SEC62: variants seen among roughly 807,000 people sequenced by gnomAD.
SEC62 encodes the protein SEC62 preprotein translocation factor.
In SEC62, 10 loss-of-function variants were observed where a neutral mutation model predicts 47.5. The ratio of observed to expected loss-of-function variants is 0.21; its 90% CI spans 0.13 to 0.36. The LOEUF (loss-of-function observed/expected upper bound fraction) is 0.36. Ranked by LOEUF, SEC62 falls within the 10% of genes least tolerant of loss-of-function variation. The pLI, the probability that SEC62 is intolerant of heterozygous loss-of-function variation, is 1.00. For synonymous variants in SEC62, 136 were observed against 150.5 expected, an observed-to-expected ratio of 0.90 and a Z score of 0.71; for missense variants, 327 against 464.1, an observed-to-expected ratio of 0.70 and a Z score of 2.71.
intron 1 of SEC62, chr3:169,969,259 G>A: frequency 4.4e-6 from 2 of 453,590 alleles, no homozygotes; most frequent in South Asian, 3.1e-5. Flanking sequence ...AAAAAAAGTA[G>A]CTAATTTGCT....
intron 1 of SEC62, chr3:169,968,653 T>C (rs1300194381): frequency 6.6e-6 from 1 of 152,230 alleles, no homozygotes; most frequent in Non-Finnish European, 1.5e-5. Flanking sequence ...CTCCCTTCTA[T>C]TCTACTCCTT....
intron 4 of SEC62, 34 bp from the exon 5 acceptor site, chr3:169,983,127 T>C: frequency 6.5e-7 from 1 of 1,536,018 alleles, no homozygotes; most frequent in Admixed American, 1.8e-5. Context: ...TGCTTACTTG[T>C]GTTATTTCTT....
chr3:169,972,620 C>T (rs1216407046), intron 1 of SEC62, among the ~76,000 whole-genome samples: 1 of 143,804 alleles, frequency 7.0e-6, no homozygotes, highest in African/African-American at 2.6e-5. Flanking sequence ...AGGAGTTTCA[C>T]CATGTTGCCC....
chr3:169,982,484 T>A (rs1714997815), intron 3 of SEC62, among the ~76,000 whole-genome samples: 1 of 152,176 alleles, frequency 6.6e-6, no homozygotes, highest in African/African-American at 2.4e-5. Flanking sequence ...AAGTGAAAAT[T>A]ATATTGAATA....
At chr3:169,980,523 G>T (rs951032955) in intron 3 of SEC62, among the ~76,000 whole-genome samples, 1 of 152,196 alleles carries the variant, frequency 6.6e-6, no homozygotes, top group Non-Finnish European at 1.5e-5. Context: ...CTTTTCTTTC[G>T]TGGGGGTGGG....
At chr3:169,974,084 A>C (rs1417550587) in intron 1 of SEC62, among the ~76,000 whole-genome samples, 1 of 152,222 alleles carries the variant, frequency 6.6e-6, no homozygotes, top group Non-Finnish European at 1.5e-5. Flanking sequence ...CCCAACATAG[A>C]TAAGTTGGAT....
rs73043935 is a variant in SEC62, at chr3:169,975,511, A to G, written c.37-97A>G. The G allele has an allele frequency of 5.0e-4, 397 of 796,888 alleles. 2 individuals are homozygous for G. The African/African-American group carries it at 5.8e-3, about 12-fold the overall frequency. The allele number at this position is 796,888 out of a possible 1,614,324, so 49.4% of individuals were successfully genotyped here. On this transcript the variant is annotated intron_variant, in intron 1 of 7. Coordinates refer to ENST00000337002, the MANE Select transcript of SEC62 (RefSeq NM_003262.4). ...AGCTTGAAAGCAAGGCCTGTACTCC[A>G]CTTGAAAAGATTCATAAAATAGATT...
Position 169,990,031 on chromosome 3 carries a change from CATATA to C in SEC62, c.730+1678_730+1682del, listed in dbSNP as rs1017076750. Among the ~76,000 whole-genome samples, 12 of 146,182 alleles carry C rather than the reference CATATA, an allele frequency of 8.2e-5. No homozygotes were observed. The East Asian group carries it at 9.8e-4, about 12-fold the overall frequency. On this transcript the variant is annotated intron_variant, in intron 7 of 7. Coordinates refer to ENST00000337002, the MANE Select transcript of SEC62 (RefSeq NM_003262.4). ...TCATAATATTATATATCATATATAT[CATATA>C]ATATATATCATATGATATGTCATAT...
At position 169,997,678 on chromosome 3, in the gene SEC62, G is replaced by A. The variant is rs1245453047; in HGVS notation, c.*4615G>A. ...AGACAGGGTTTCACCGTGTTGGCGA[G>A]ACTGATCTTGAACTCCTGACATCAG... is the stretch of plus-strand genomic sequence containing the variant. On this transcript the variant is annotated 3_prime_UTR_variant, in exon 8 of 8. Coordinates refer to ENST00000337002, the MANE Select transcript of SEC62 (RefSeq NM_003262.4). The A allele has an allele frequency of 1.3e-5, 2 of 152,206 alleles. No homozygotes were observed. Among genetic ancestry groups the A allele is most frequent in the African/African-American group, 4.8e-5 (2 of 41,432 alleles). 9.4% of individuals were successfully genotyped at this position (152,206 alleles called of 1,614,324 possible). A position where few individuals can be genotyped will look rare whatever the true frequency, so the allele number is the denominator to read the frequency against.
At chr3:169,976,025 C>T (rs1266949322) in intron 2 of SEC62, among the ~76,000 whole-genome samples, 1 of 152,048 alleles carries the variant, frequency 6.6e-6, no homozygotes, top group East Asian at 1.9e-4. Context: ...TTTCCCCAAA[C>T]AATGTCATTA....
rs1715271028 is a variant in SEC62 at position 169,992,545 on chromosome 3, C to G, written c.731-49C>G. 7.8e-7 allele frequency: 1 copy of G among 1,276,284 alleles called. No individual in the cohort carries two copies. Among genetic ancestry groups the G allele is most frequent in the Admixed American group, 2.0e-5 (1 of 51,030 alleles). 79.1% of individuals were successfully genotyped at this position (1,276,284 alleles called of 1,614,324 possible). A position where few individuals can be genotyped will look rare whatever the true frequency, so the allele number is the denominator to read the frequency against. ...GCTTTTTATTAACAAATACTCCCTT[C>G]TGAGGCAGTGTTTGAATTACTCAAT... On this transcript the variant is annotated intron_variant, in intron 7 of 7. Transcript: ENST00000337002. The surrounding 1 kb of genome is among the most constrained non-coding windows in gnomAD (Gnocchi z 4.0).
At position 169,994,347 on chromosome 3, in the gene SEC62, T is replaced by G. The variant is rs1244360473; in HGVS notation, c.*1284T>G. 3 of 152,034 alleles carry G rather than the reference T, an allele frequency of 2.0e-5. No individual in the cohort carries two copies. The highest frequency in any genetic ancestry group is 4.4e-5 in the Non-Finnish European group (3 of 67,616). 9.4% of individuals were successfully genotyped at this position (152,034 alleles called of 1,614,324 possible). On this transcript the variant is annotated 3_prime_UTR_variant, in exon 8 of 8. Transcript: ENST00000337002. ...TTAAATGATTTTTCTTCAGTCACAG[T>G]GAGAGCATCTTGCTTTGTGGTTGAA...
chr3:169,988,854 A>G (rs1391594751), intron 7 of SEC62, among the ~76,000 whole-genome samples: 1 of 152,150 alleles, frequency 6.6e-6, no homozygotes, highest in Non-Finnish European at 1.5e-5. Context: ...ATCATTTATT[A>G]GACATAATAC....
At chr3:169,977,466 A>G (rs1020428987) in intron 3 of SEC62, among the ~76,000 whole-genome samples, 3 of 152,042 alleles carry the variant, frequency 2.0e-5, no homozygotes, top group Non-Finnish European at 1.5e-5. Flanking sequence ...ACCCTTTCCT[A>G]TTTGGTTCAG....
At position 169,993,339 on chromosome 3, in the gene SEC62, C is replaced by A; in HGVS notation, c.*276C>A. ...ACAGTTATCAAAGATGTACTTTCCA[C>A]AGTTAAATTTACATTAATGGCAATT... On this transcript the variant is annotated 3_prime_UTR_variant, in exon 8 of 8. Coordinates refer to ENST00000337002, the MANE Select transcript of SEC62 (RefSeq NM_003262.4). 3.5e-6 allele frequency: 1 copy of A among 288,196 alleles called. No individual in the cohort carries two copies. Among genetic ancestry groups the A allele is most frequent in the South Asian group, 8.6e-5 (1 of 11,650 alleles). The allele number at this position is 288,196 out of a possible 1,614,324, so 17.9% of individuals were successfully genotyped here. A position where few individuals can be genotyped will look rare whatever the true frequency, so the allele number is the denominator to read the frequency against.
chr3:169,972,580 C>CT (rs11391826), intron 1 of SEC62, among the ~76,000 whole-genome samples: 53,638 of 114,862 alleles, frequency 0.47, 13,476 homozygotes, highest in Admixed American at 0.53. Context: ...CTTTTTCTAT[C>CT]TTTTTTTTTT....
intron 7 of SEC62, among the ~76,000 whole-genome samples, chr3:169,988,741 A>C (rs1431896213): frequency 6.6e-6 from 1 of 152,112 alleles, no homozygotes; most frequent in African/African-American, 2.4e-5. Context: ...TTTGAAATTT[A>C]CTTATTTTGA....
At chr3:169,988,561 A>G (rs566186415) in intron 7 of SEC62, among the ~76,000 whole-genome samples, 1 of 152,320 alleles carries the variant, frequency 6.6e-6, no homozygotes, top group East Asian at 1.9e-4. Flanking sequence ...TACATCTTTA[A>G]AAAAATTTTT....
At chr3:169,982,654 T>G in intron 3 of SEC62, 53 bp from the exon 4 acceptor site, 4 of 1,589,054 alleles carry the variant, frequency 2.5e-6, no homozygotes, top group Non-Finnish European at 3.4e-6. Context: ...TATTTTTGCT[T>G]TTCAGTCTCT....
Sources: allele counts gnomAD v4.1 joint callset (sites outside exome capture counted in the v4.1 genomes callset), GRCh38; gene constraint gnomAD v4.1.1; non-coding constraint Gnocchi (gnomAD v3.1); transcripts MANE v1.5; gene names NCBI Gene and HGNC (gene_info 2026-07-23, HGNC 2026-07-21).